Variants in ANKRD12 observed in about 807,000 individuals in gnomAD.
The protein encoded by ANKRD12 is ankyrin repeat domain-containing protein 12.
Under a neutral mutation model 183.4 loss-of-function variants are expected in ANKRD12, and 85 were observed. That is an observed-to-expected ratio of 0.46 (90% CI 0.39 to 0.56). The LOEUF (loss-of-function observed/expected upper bound fraction) is 0.56. Among genes scored for constraint, ANKRD12 ranks in the 20% least tolerant of loss-of-function variants. The probability of loss-of-function intolerance (pLI) is 0.00; values close to 1 mark genes in which losing one functional copy is unlikely to be tolerated. For missense variants in ANKRD12, 2,405 were observed against 2,357.1 expected, an observed-to-expected ratio of 1.02 and a Z score of -0.42; for synonymous variants, 914 against 800.2, an observed-to-expected ratio of 1.14 and a Z score of -2.40.
chr18:9,255,595 C>G lies in ANKRD12; in HGVS notation c.2328C>G (p.Asn776Lys). Residue 776 changes from asparagine (N) to lysine (K), a missense_variant, in exon 9 of 13, where the codon AAC (asparagine) becomes AAG (lysine). Physicochemically the swap from Asn to Lys is moderately conservative, Grantham distance 94. Coordinates refer to ENST00000262126, the MANE Select transcript of ANKRD12 (RefSeq NM_015208.5). ...AAGATCTAAAAGAAGAGAGAGAAAACATACCCACAGATAAAGACTCAGAAT... is the reference window on the plus strand; with the variant it reads ...AAGATCTAAAAGAAGAGAGAGAAAAGATACCCACAGATAAAGACTCAGAAT... ...KIKDLKEERE[N>K]IPTDKDSEFT... 1 of 1,568,572 alleles carries G rather than the reference C, an allele frequency of 6.4e-7. No homozygotes were observed. The highest frequency in any genetic ancestry group is 8.6e-7 in the Non-Finnish European group (1 of 1,167,842).
intron 1 of ANKRD12, among the ~76,000 whole-genome samples, chr18:9,151,526 G>A (rs2078685839): frequency 6.6e-6 from 1 of 152,054 alleles, no homozygotes; most frequent in South Asian, 2.1e-4. Flanking sequence ...AAAGTCTTTG[G>A]TAGATCTCAG....
At chr18:9,253,908 G>C (rs1458810582) in intron 8 of ANKRD12, among the ~76,000 whole-genome samples, 1 of 152,150 alleles carries the variant, frequency 6.6e-6, no homozygotes, top group Non-Finnish European at 1.5e-5. Flanking sequence ...AGAGATACAC[G>C]CTTCTATGTT....
chr18:9,168,978 C>T (rs1200044295), intron 1 of ANKRD12, among the ~76,000 whole-genome samples: 2 of 152,110 alleles, frequency 1.3e-5, no homozygotes, highest in South Asian at 2.1e-4. Context: ...TCATTATTTA[C>T]CCAGTAGTCA....
At chr18:9,271,948 A>G (rs1598770950) in intron 10 of ANKRD12, among the ~76,000 whole-genome samples, 1 of 152,316 alleles carries the variant, frequency 6.6e-6, no homozygotes, top group African/African-American at 2.4e-5. Context: ...ACGCTGTTCA[A>G]GGGTCATTTT....
At chr18:9,182,134 C>T (rs1598476995) in intron 1 of ANKRD12, among the ~76,000 whole-genome samples, 1 of 152,268 alleles carries the variant, frequency 6.6e-6, no homozygotes, top group African/African-American at 2.4e-5. Flanking sequence ...ACTTTCACTG[C>T]TTCTGGATAC....
chr18:9,175,035 A>G (rs1319200726), intron 1 of ANKRD12, among the ~76,000 whole-genome samples: 1 of 151,736 alleles, frequency 6.6e-6, no homozygotes, highest in Non-Finnish European at 1.5e-5. Context: ...ACTCACTGCA[A>G]CCTCCACCAC....
At chr18:9,161,096 G>C (rs546548844) in intron 1 of ANKRD12, among the ~76,000 whole-genome samples, 32 of 151,272 alleles carry the variant, frequency 2.1e-4, no homozygotes, top group South Asian at 4.2e-4. Context: ...GCCTTGGCCT[G>C]TGTGTGTGTG....
At chr18:9,172,801 G>T (rs2032869460) in intron 1 of ANKRD12, among the ~76,000 whole-genome samples, 1 of 152,092 alleles carries the variant, frequency 6.6e-6, no homozygotes, top group African/African-American at 2.4e-5. Context: ...AGGCACTCTG[G>T]CTTTTTGAGT....
chr18:9,275,755 T>G, intron 11 of ANKRD12, 88 bp downstream of exon 11: 1 of 1,290,496 alleles, frequency 7.7e-7, no homozygotes, highest in South Asian at 1.9e-5. Context: ...AGAAAGAACT[T>G]GAACTCAACA....
chr18:9,171,711 T>C (rs965998516), intron 1 of ANKRD12, among the ~76,000 whole-genome samples: 18 of 152,150 alleles, frequency 1.2e-4, no homozygotes, highest in South Asian at 2.1e-4. Context: ...TATGAAATTC[T>C]GGGTTGGAAA....
At chr18:9,210,193 A>G (rs1421931837) in intron 5 of ANKRD12, among the ~76,000 whole-genome samples, 1 of 151,936 alleles carries the variant, frequency 6.6e-6, no homozygotes, top group Non-Finnish European at 1.5e-5. Flanking sequence ...TATTCATTAG[A>G]TAAGTCTTTA....
intron 8 of ANKRD12, among the ~76,000 whole-genome samples, chr18:9,253,567 C>T (rs1445935267): frequency 6.6e-6 from 1 of 152,174 alleles, no homozygotes; most frequent in Non-Finnish European, 1.5e-5. Context: ...ACCACATTTT[C>T]TTTATCCATT....
At chr18:9,194,204 G>A (rs947561367) in intron 2 of ANKRD12, among the ~76,000 whole-genome samples, 1 of 152,020 alleles carries the variant, frequency 6.6e-6, no homozygotes, top group African/African-American at 2.4e-5. Context: ...TTAAGCCCTA[G>A]CCCCAGAGAT....
At chr18:9,254,101 G>T in intron 8 of ANKRD12, 110 bp from the exon 9 acceptor site, 1 of 1,191,920 alleles carries the variant, frequency 8.4e-7, no homozygotes. Context: ...ATTATGAATT[G>T]TTTGAAATAT....
intron 7 of ANKRD12, among the ~76,000 whole-genome samples, chr18:9,220,866 T>C (rs1325200311): frequency 1.3e-5 from 2 of 152,128 alleles, no homozygotes; most frequent in East Asian, 1.9e-4. Flanking sequence ...GAAACCATCA[T>C]TGGTTTAGAT....
At chr18:9,222,390 G>A (rs2036469462) in intron 8 of ANKRD12, among the ~76,000 whole-genome samples, 1 of 151,576 alleles carries the variant, frequency 6.6e-6, no homozygotes, top group Non-Finnish European at 1.5e-5. Context: ...TGGTGTTAAC[G>A]AGTCATCTCT....
At chr18:9,152,021 A>G (rs913542531) in intron 1 of ANKRD12, among the ~76,000 whole-genome samples, 1 of 152,206 alleles carries the variant, frequency 6.6e-6, no homozygotes, top group East Asian at 1.9e-4. Context: ...GTTTGTGGCT[A>G]GCCTAGGCAA....
At chr18:9,140,517 CTG>C (rs1357643723) in intron 1 of ANKRD12, among the ~76,000 whole-genome samples, 1 of 152,174 alleles carries the variant, frequency 6.6e-6, no homozygotes, top group South Asian at 2.1e-4. Context: ...CATTCATAAT[CTG>C]TTTCTGTAAC....
At chr18:9,268,020 G>A (rs1371864117) in intron 10 of ANKRD12, among the ~76,000 whole-genome samples, 1 of 152,202 alleles carries the variant, frequency 6.6e-6, no homozygotes, top group African/African-American at 2.4e-5. Context: ...TTATCTAGAA[G>A]AAATGGATAA....
Sources: gnomAD v4.1 joint callset for allele counts (sites outside exome capture counted in the v4.1 genomes callset) on GRCh38, gnomAD v4.1.1 for gene constraint, MANE v1.5 for transcripts, NCBI Gene and HGNC (gene_info 2026-07-23, HGNC 2026-07-21) for gene names.